The following DGKI variants were observed in gnomAD, a reference collection of about 807,000 sequenced individuals.
The protein encoded by DGKI is DAG kinase iota.
DGKI carries 55 observed loss-of-function variants against 147.5 expected under a neutral mutation model. The ratio of observed to expected loss-of-function variants is 0.37; its 90% CI spans 0.30 to 0.47. DGKI has a LOEUF of 0.47. Among genes scored for constraint, DGKI ranks in the 20% least tolerant of loss-of-function variants. The probability of loss-of-function intolerance (pLI) is 1.00; values close to 1 mark genes in which losing one functional copy is unlikely to be tolerated. For missense variants in DGKI, 1,007 were observed against 1,323.8 expected, an observed-to-expected ratio of 0.76 and a Z score of 3.71; for synonymous variants, 469 against 477.1, an observed-to-expected ratio of 0.98 and a Z score of 0.22.
At chr7:137,642,397 G>A (rs899807008) in intron 6 of DGKI, among the ~76,000 whole-genome samples, 2 of 152,148 alleles carry the variant, frequency 1.3e-5, no homozygotes, top group African/African-American at 2.4e-5. Flanking sequence ...GGCTTAGCTT[G>A]ACCACAGCTC....
chr7:137,523,451 T>TCTCACA (rs139843465), intron 20 of DGKI, among the ~76,000 whole-genome samples: 1 of 150,974 alleles, frequency 6.6e-6, no homozygotes, highest in East Asian at 1.9e-4. Context: ...TCTCTCTCTC[T>TCTCACA]CACACACACA....
intron 1 of DGKI, among the ~76,000 whole-genome samples, chr7:137,830,279 T>C (rs567892389): frequency 6.6e-6 from 1 of 152,174 alleles, no homozygotes; most frequent in South Asian, 2.1e-4. Context: ...GCTAATGAAG[T>C]CCCCAAAGCT....
In DGKI at chr7:137,734,865, A is replaced by C. The variant is rs545448300; in HGVS notation, c.402-44863T>G. 3.9e-5 allele frequency among the ~76,000 whole-genome samples: 6 copies of C among 152,224 alleles called. No homozygotes were observed. The East Asian group carries it at 1.2e-3, about 30-fold the overall frequency. ...GACTTCTGTGACTCATGACCTTTAA[A>C]GTGCCTGGCACAGAGTGCGTGATCA... On this transcript the variant is annotated intron_variant, in intron 1 of 32. Transcript: ENST00000614521.
intron 13 of DGKI, 73 bp from the exon 14 acceptor site, chr7:137,585,419 G>A: frequency 1.3e-6 from 2 of 1,532,346 alleles, no homozygotes; most frequent in Admixed American, 2.0e-5. Flanking sequence ...TTTACGCAAG[G>A]AAGAGCCAAG....
chr7:137,411,648 T>TGA lies in DGKI; in HGVS notation c.2799+521_2799+522insTC, dbSNP rs1425968479. Among the ~76,000 whole-genome samples the TGA allele has an allele frequency of 5.3e-5, 8 of 152,312 alleles. No homozygotes were observed. The East Asian group carries it at 1.5e-3, about 29-fold the overall frequency. On this transcript the variant is annotated intron_variant, in intron 29 of 32. Transcript: ENST00000614521. ...GATTTTACATTCACCCTCAGGGCAGTGGTGACCGCTTCCTTCCTTCTGAAC... is the reference window on the plus strand; with the variant it reads ...GATTTTACATTCACCCTCAGGGCAGTGAGGTGACCGCTTCCTTCCTTCTGAAC...
chr7:137,669,139 C>A (rs1822751965), intron 3 of DGKI, among the ~76,000 whole-genome samples: 1 of 152,198 alleles, frequency 6.6e-6, no homozygotes, highest in Admixed American at 6.5e-5. Context: ...TTCCAAAGCT[C>A]ACACGCTTCA....
At chr7:137,676,688 G>A (rs531090171) in intron 3 of DGKI, among the ~76,000 whole-genome samples, 3 of 152,308 alleles carry the variant, frequency 2.0e-5, no homozygotes, top group South Asian at 2.1e-4. Context: ...AACTGGGAAC[G>A]TTCTCAACTC....
intron 22 of DGKI, among the ~76,000 whole-genome samples, chr7:137,486,725 G>A (rs1364548392): frequency 2.6e-5 from 4 of 152,106 alleles, no homozygotes; most frequent in African/African-American, 9.7e-5. Flanking sequence ...TATTCAGGGT[G>A]AAGTGGTTAC....
intron 21 of DGKI, among the ~76,000 whole-genome samples, chr7:137,516,521 C>T (rs762944776): frequency 2.0e-5 from 3 of 151,784 alleles, no homozygotes; most frequent in African/African-American, 4.8e-5. Flanking sequence ...AGAATGTTTC[C>T]ATAGCCCCAT....
intron 20 of DGKI, among the ~76,000 whole-genome samples, chr7:137,543,821 A>G (rs1817780436): frequency 6.6e-6 from 1 of 152,208 alleles, no homozygotes; most frequent in South Asian, 2.1e-4. Context: ...GTGTGAGTAA[A>G]TCAAGGCTAT....
chr7:137,554,444 G>A (rs779565877), intron 19 of DGKI, among the ~76,000 whole-genome samples: 27 of 152,110 alleles, frequency 1.8e-4, no homozygotes, highest in Non-Finnish European at 3.4e-4. Context: ...TTCTGAGAAC[G>A]TCAGATATTG....
intron 23 of DGKI, among the ~76,000 whole-genome samples, chr7:137,475,986 C>G (rs1245157684): frequency 1.3e-5 from 2 of 152,118 alleles, no homozygotes; most frequent in African/African-American, 2.4e-5. Context: ...TTTAAGAAAG[C>G]CCTTTCCTTT....
chr7:137,670,860 A>C (rs1490295940), intron 3 of DGKI, among the ~76,000 whole-genome samples: 1 of 152,246 alleles, frequency 6.6e-6, no homozygotes, highest in Non-Finnish European at 1.5e-5. Flanking sequence ...TGAGGCTGAC[A>C]GAGCAGGAGC....
intron 15 of DGKI, among the ~76,000 whole-genome samples, chr7:137,578,708 T>C (rs1819072769): frequency 6.6e-6 from 1 of 152,110 alleles, no homozygotes. Flanking sequence ...AGATGCTTTG[T>C]AAAAATTGGA....
chr7:137,668,396 A>T (rs1340065994), intron 3 of DGKI, among the ~76,000 whole-genome samples: 1 of 152,236 alleles, frequency 6.6e-6, no homozygotes, highest in East Asian at 1.9e-4. Flanking sequence ...AAAGAGTCTT[A>T]AAAAGGAGGC....
At chr7:137,572,867 T>G (rs772956099) in intron 17 of DGKI, 29 bp from the exon 18 acceptor site, 29 of 1,547,782 alleles carry the variant, frequency 1.9e-5, no homozygotes, top group Non-Finnish European at 2.4e-5. Context: ...AAAAGGGGTT[T>G]TGAAGTAGTC....
intron 28 of DGKI, among the ~76,000 whole-genome samples, chr7:137,430,629 C>G (rs1405466550): frequency 6.6e-6 from 1 of 151,586 alleles, no homozygotes; most frequent in Non-Finnish European, 1.5e-5. Flanking sequence ...ACTTATACAT[C>G]CAAATGTAGT....
Position 137,386,375 on chromosome 7 carries a change from T to C in DGKI, c.*4845A>G, listed in dbSNP as rs1811176865. ...GAGGCATGTGGCTTACATTGTTGAA[T>C]GAGGAAGCAGCAGCCGTGATTGTGT... is the stretch of plus-strand genomic sequence containing the variant. On this transcript the variant is annotated 3_prime_UTR_variant, in exon 33 of 33. Transcript: ENST00000614521. 6.6e-6 allele frequency: 1 copy of C among 152,094 alleles called. No homozygotes were observed. The highest frequency in any genetic ancestry group is 2.4e-5 in the African/African-American group (1 of 41,408). The allele number at this position is 152,094 out of a possible 1,614,324, so 9.4% of individuals were successfully genotyped here.
At chr7:137,653,830 A>G (rs927958131) in intron 5 of DGKI, among the ~76,000 whole-genome samples, 1 of 152,200 alleles carries the variant, frequency 6.6e-6, no homozygotes, top group Non-Finnish European at 1.5e-5. Flanking sequence ...CTTAAGGAGG[A>G]TACCGTATAA....
Sources: gnomAD v4.1 joint callset for allele counts (sites outside exome capture counted in the v4.1 genomes callset) on GRCh38, gnomAD v4.1.1 for gene constraint, MANE v1.5 for transcripts, NCBI Gene and HGNC (gene_info 2026-07-23, HGNC 2026-07-21) for gene names.